The following NKAIN2 variants were observed in gnomAD, a reference collection of about 807,000 sequenced individuals.
NKAIN2 encodes the protein sodium/potassium transporting ATPase interacting 2, also known as sodium/potassium-transporting ATPase subunit beta-1-interacting protein 2.
In NKAIN2, 14 loss-of-function variants were observed where a neutral mutation model predicts 32.6. That is an observed-to-expected ratio of 0.43 (90% confidence interval 0.28 to 0.67). The LOEUF is 0.67. Among genes scored for constraint, NKAIN2 ranks in the 30% least tolerant of loss-of-function variants. NKAIN2 has a pLI of 0.17. For synonymous variants in NKAIN2, 80 were observed against 87.2 expected (o/e 0.92, Z 0.46); for missense variants, 198 against 258.3 (o/e 0.77, Z 1.60).
chr6:123,829,693 T>C (rs1015009171), intron 1 of NKAIN2, among the ~76,000 whole-genome samples: 1 of 152,184 alleles, frequency 6.6e-6, no homozygotes. Flanking sequence ...AGTATAGTTA[T>C]TGGTAGAACA....
At chr6:124,309,045 C>A (rs1796617892) in intron 2 of NKAIN2, among the ~76,000 whole-genome samples, 1 of 151,978 alleles carries the variant, frequency 6.6e-6, no homozygotes, top group African/African-American at 2.4e-5. Context: ...TTCTATTTTA[C>A]CTTTGAAATT....
chr6:124,348,660 C>G (rs1005345906), intron 2 of NKAIN2, among the ~76,000 whole-genome samples: 1 of 152,196 alleles, frequency 6.6e-6, no homozygotes, highest in Non-Finnish European at 1.5e-5. Context: ...CAGCTCCCAG[C>G]ATGAGCGACG....
At chr6:124,355,402 C>T in intron 3 of NKAIN2, 55 bp downstream of exon 3, 1 of 960,894 alleles carries the variant, frequency 1.0e-6, no homozygotes, top group South Asian at 1.3e-5. Flanking sequence ...AAGTCTCTTC[C>T]TAAGTAAGGC....
At chr6:124,073,888 A>T (rs1783574051) in intron 1 of NKAIN2, among the ~76,000 whole-genome samples, 1 of 152,124 alleles carries the variant, frequency 6.6e-6, no homozygotes, top group South Asian at 2.1e-4. Context: ...TTTAAAATGT[A>T]ATCTAAAACC....
intron 1 of NKAIN2, among the ~76,000 whole-genome samples, chr6:123,936,132 C>T (rs1776498930): frequency 6.6e-6 from 1 of 152,150 alleles, no homozygotes; most frequent in African/African-American, 2.4e-5. Flanking sequence ...AATACAGTGT[C>T]TCTTCATTTT....
chr6:124,038,882 A>T lies in NKAIN2; in HGVS notation c.54+234628A>T, dbSNP rs560752454. On this transcript the variant is annotated intron_variant, in intron 1 of 6. Transcript: ENST00000368417. Reference sequence around the variant, plus strand: ...AGTTCAATATTTTATAAATTGCTGTACCAGAACGAGGGTGTTTAACCAGCA... The same window carrying T: ...AGTTCAATATTTTATAAATTGCTGTTCCAGAACGAGGGTGTTTAACCAGCA... Among the ~76,000 whole-genome samples, 81 of 152,246 alleles carry T rather than the reference A, an allele frequency of 5.3e-4. 1 individual carries two copies. Among genetic ancestry groups the T allele is most frequent in the African/African-American group, 1.3e-3 (54 of 41,580 alleles).
intron 1 of NKAIN2, among the ~76,000 whole-genome samples, chr6:123,853,910 C>T (rs1329939490): frequency 6.6e-6 from 1 of 151,882 alleles, no homozygotes; most frequent in Non-Finnish European, 1.5e-5. Flanking sequence ...GTAGCTGGGA[C>T]TACAGGTGCC....
At chr6:123,915,114 T>C (rs1775422205) in intron 1 of NKAIN2, among the ~76,000 whole-genome samples, 1 of 152,160 alleles carries the variant, frequency 6.6e-6, no homozygotes, top group Non-Finnish European at 1.5e-5. Flanking sequence ...GAGATATAAT[T>C]GGAGGTGATA....
At chr6:124,754,755 A>G (rs1777884683) in intron 4 of NKAIN2, among the ~76,000 whole-genome samples, 1 of 152,140 alleles carries the variant, frequency 6.6e-6, no homozygotes, top group Non-Finnish European at 1.5e-5. Flanking sequence ...AGACAGAAAT[A>G]CTATTCAATC....
chr6:124,010,499 A>G (rs1247047497), intron 1 of NKAIN2, among the ~76,000 whole-genome samples: 2 of 150,450 alleles, frequency 1.3e-5, no homozygotes, highest in East Asian at 3.9e-4. Context: ...AATCATTGAG[A>G]AAGTTGAGTG....
chr6:124,550,023 A>T (rs922983768), intron 3 of NKAIN2, among the ~76,000 whole-genome samples: 2 of 152,202 alleles, frequency 1.3e-5, no homozygotes, highest in South Asian at 4.1e-4. Context: ...GCTTTTGCCC[A>T]TGAAGCTTAC....
At chr6:124,297,137 T>C (rs1305026225) in intron 2 of NKAIN2, among the ~76,000 whole-genome samples, 1 of 152,178 alleles carries the variant, frequency 6.6e-6, no homozygotes, top group Non-Finnish European at 1.5e-5. Context: ...ATACATACTG[T>C]TGATCCTTGA....
At chr6:124,335,134 T>A (rs1797814195) in intron 2 of NKAIN2, among the ~76,000 whole-genome samples, 1 of 151,356 alleles carries the variant, frequency 6.6e-6, no homozygotes, top group Admixed American at 6.6e-5. Context: ...AGAAAAAAAA[T>A]ATGCACCCAG....
intron 1 of NKAIN2, among the ~76,000 whole-genome samples, chr6:123,884,223 G>A (rs899809800): frequency 2.0e-5 from 3 of 151,976 alleles, no homozygotes; most frequent in Admixed American, 6.6e-5. Context: ...TTGGTTTTCT[G>A]TTCCTGTTGT....
At chr6:123,882,975 G>T (rs1315171170) in intron 1 of NKAIN2, among the ~76,000 whole-genome samples, 1 of 152,100 alleles carries the variant, frequency 6.6e-6, no homozygotes, top group African/African-American at 2.4e-5. Context: ...GTGTGTGTGT[G>T]TGTGTGTACG....
At chr6:124,637,857 A>C (rs944750577) in intron 3 of NKAIN2, among the ~76,000 whole-genome samples, 1 of 152,184 alleles carries the variant, frequency 6.6e-6, no homozygotes, top group Admixed American at 6.5e-5. Context: ...TATAAATTCA[A>C]TCCAATTCCT....
At chr6:123,843,618 C>T (rs1436015388) in intron 1 of NKAIN2, among the ~76,000 whole-genome samples, 1 of 152,088 alleles carries the variant, frequency 6.6e-6, no homozygotes, top group African/African-American at 2.4e-5. Flanking sequence ...GAGCCCTCAC[C>T]AGTGACCTCG....
intron 2 of NKAIN2, 42 bp downstream of exon 2, chr6:124,283,184 A>G (rs772530257): frequency 1.4e-5 from 20 of 1,446,926 alleles, no homozygotes; most frequent in South Asian, 8.1e-5. Flanking sequence ...ATTGAACTAG[A>G]GAATGATGTG....
chr6:124,714,136 C>T (rs1775634324), intron 4 of NKAIN2, among the ~76,000 whole-genome samples: 1 of 152,194 alleles, frequency 6.6e-6, no homozygotes, highest in Admixed American at 6.5e-5. Flanking sequence ...TGCACCCCTT[C>T]TCTTGCTGTA....
Sources: gnomAD v4.1 joint callset for allele counts (sites outside exome capture counted in the v4.1 genomes callset) on GRCh38, gnomAD v4.1.1 for gene constraint, MANE v1.5 for transcripts, NCBI Gene and HGNC (gene_info 2026-07-23, HGNC 2026-07-21) for gene names.